The following PIK3CD variants were observed in gnomAD, a reference collection of about 807,000 sequenced individuals.
The protein encoded by PIK3CD is phosphatidylinositol 4,5-bisphosphate 3-kinase catalytic subunit delta isoform.
A neutral mutation model predicts 122.9 loss-of-function variants in PIK3CD; 20 were observed. That is an observed-to-expected ratio of 0.16 (90% CI 0.11 to 0.24). PIK3CD has a LOEUF of 0.24. PIK3CD is among the 10% of genes least tolerant of loss of function. The pLI is 1.00. For synonymous variants in PIK3CD, 596 were observed against 593.4 expected (o/e 1.00, Z -0.06); for missense variants, 787 against 1,406.3 (o/e 0.56, Z 7.04).
At chr1:9,660,503 G>T (rs772133714) in intron 1 of PIK3CD, among the ~76,000 whole-genome samples, 16 of 152,176 alleles carry the variant, frequency 1.1e-4, no homozygotes, top group Non-Finnish European at 2.1e-4. Flanking sequence ...TTTAGTGGCA[G>T]TGTAAGTGCC....
chr1:9,693,289 A>G (rs1027631706), intron 2 of PIK3CD, among the ~76,000 whole-genome samples: 4 of 152,206 alleles, frequency 2.6e-5, no homozygotes, highest in African/African-American at 9.6e-5. Context: ...CAGTGATGCA[A>G]TCTCAGCTCA....
the PIK3CD span, among the ~76,000 whole-genome samples, chr1:9,639,561 GC>G: frequency 6.6e-6 from 1 of 152,264 alleles, no homozygotes; most frequent in Non-Finnish European, 1.5e-5. Context: ...GCATTTCAGG[GC>G]CCCCAGAAGG....
At chr1:9,645,073 T>C in the PIK3CD span, among the ~76,000 whole-genome samples, 1 of 148,012 alleles carries the variant, frequency 6.8e-6, no homozygotes, top group African/African-American at 2.5e-5. Flanking sequence ...TCACCCAGGC[T>C]GGAGTGCAGT....
chr1:9,723,379 GGAGGGGCCTCA>G lies in PIK3CD; in HGVS notation c.2594+90_2594+100del. 1 of 1,402,908 alleles carries G rather than the reference GGAGGGGCCTCA, an allele frequency of 7.1e-7. No homozygotes were observed. Among genetic ancestry groups the G allele is most frequent in the Non-Finnish European group, 1.0e-6 (1 of 990,118 alleles). 86.9% of individuals were successfully genotyped at this position (1,402,908 alleles called of 1,614,324 possible). ...CTCGCCTGTCAGAACAAAGGAGCGG[GGAGGGGCCTCA>G]GACCATCTTTGTGGCTACTTGGCTC... On this transcript the variant is annotated intron_variant, in intron 20 of 23. Coordinates refer to ENST00000377346, the MANE Select transcript of PIK3CD (RefSeq NM_005026.5). The surrounding 1 kb of genome is among the most constrained non-coding windows in gnomAD (Gnocchi z 4.9).
intron 3 of PIK3CD, among the ~76,000 whole-genome samples, chr1:9,711,116 G>A (rs1647036542): frequency 6.6e-6 from 1 of 151,968 alleles, no homozygotes; most frequent in Admixed American, 6.6e-5. Flanking sequence ...TGTTTTTTGA[G>A]ACAATCTCGC....
intron 1 of PIK3CD, among the ~76,000 whole-genome samples, chr1:9,678,796 TAAA>T (rs1645636170): frequency 6.6e-6 from 1 of 152,216 alleles, no homozygotes; most frequent in Non-Finnish European, 1.5e-5. Context: ...GACCACCTCT[TAAA>T]GAAGACATTG....
intron 2 of PIK3CD, among the ~76,000 whole-genome samples, chr1:9,695,161 A>AAG (rs1222385051): frequency 6.6e-6 from 1 of 152,206 alleles, no homozygotes; most frequent in Non-Finnish European, 1.5e-5. Context: ...ATTTCAACAG[A>AAG]AGAGTTGGAA....
Position 9,716,429 on chromosome 1 carries a change from C to T in PIK3CD, c.601-11C>T, listed in dbSNP as rs200601723. ...TCGAGGGCAGAGGACTGACCTCCCT[C>T]CTCCCCACAGGAGAGCTTCACCTTC... On this transcript the variant is annotated splice_polypyrimidine_tract_variant and intron_variant, in intron 5 of 23. Coordinates refer to ENST00000377346, the MANE Select transcript of PIK3CD (RefSeq NM_005026.5). The T allele has an allele frequency of 4.3e-6, 7 of 1,610,918 alleles. No individual in the cohort carries two copies. The highest frequency in any genetic ancestry group is 5.9e-6 in the Non-Finnish European group (7 of 1,179,818).
rs148357976 is a variant in PIK3CD at position 9,718,720 on chromosome 1, C to T, written c.1047C>T (p.His349=). ...MKLVVQAGLF[H]GNEMLCKTVS... ...TGGTGGTGCAGGCCGGGCTTTTCCA[C>T]GGCAACGAGATGCTGTGCAAGACGG... The change falls in exon 9 of 24, where the codon CAC becomes CAT. Residue 349 remains histidine, a synonymous_variant. Transcript: ENST00000377346. This position sits in a 1 kb window ranked among gnomAD's most constrained non-coding sequence, Gnocchi z 7.2. 103 of 1,605,558 alleles carry T rather than the reference C, an allele frequency of 6.4e-5. No homozygotes were observed. In the African/African-American group the frequency reaches 1.2e-3, roughly 19 times the overall value.
At chr1:9,678,182 G>A (rs1431750162) in intron 1 of PIK3CD, among the ~76,000 whole-genome samples, 1 of 151,622 alleles carries the variant, frequency 6.6e-6, no homozygotes, top group Non-Finnish European at 1.5e-5. Flanking sequence ...ACAAAAATCC[G>A]GCCGGGCACT....
At chr1:9,678,634 G>C (rs902316791) in intron 1 of PIK3CD, among the ~76,000 whole-genome samples, 1 of 152,118 alleles carries the variant, frequency 6.6e-6, no homozygotes, top group Non-Finnish European at 1.5e-5. Flanking sequence ...GACTGTTTAG[G>C]TCCAACCTCT....
rs1420857309 is a variant in PIK3CD, at chr1:9,675,357, A to G, written c.-137-16110A>G. 1.4e-3 allele frequency among the ~76,000 whole-genome samples: 183 copies of G among 133,122 alleles called. No individual in the cohort carries two copies. The Middle Eastern group carries it at 0.017, about 12-fold the overall frequency. The allele number at this position is 133,122 out of a possible 152,430, so 87.3% of individuals were successfully genotyped here. On this transcript the variant is annotated intron_variant, in intron 1 of 23. Transcript: ENST00000377346. ...GCCGAGATTGCGCCACTGCACTCCCACCTGGGCCACAGAGCGAGACTCCGT... is the reference window on the plus strand; with the variant it reads ...GCCGAGATTGCGCCACTGCACTCCCGCCTGGGCCACAGAGCGAGACTCCGT...
At chr1:9,682,585 T>C (rs1244671868) in intron 1 of PIK3CD, among the ~76,000 whole-genome samples, 1 of 152,154 alleles carries the variant, frequency 6.6e-6, no homozygotes, top group Non-Finnish European at 1.5e-5. Flanking sequence ...TGTCTCACTC[T>C]GTTGTCCAGG....
Position 9,667,675 on chromosome 1 carries a change from C to T in PIK3CD, c.-138+15873C>T, listed in dbSNP as rs541255867. ...ACAGGCGTGAGCCACCGTGCCCGGC[C>T]GAAATAATGTTTTGCTAATAGGCTC... On this transcript the variant is annotated intron_variant, in intron 1 of 23. Coordinates refer to ENST00000377346, the MANE Select transcript of PIK3CD (RefSeq NM_005026.5). Among the ~76,000 whole-genome samples, 12 of 151,650 alleles carry T rather than the reference C, an allele frequency of 7.9e-5. No homozygotes were observed. The East Asian group carries it at 9.7e-4, about 12-fold the overall frequency.
At chr1:9,640,676 T>A in the PIK3CD span, among the ~76,000 whole-genome samples, 5 of 152,158 alleles carry the variant, frequency 3.3e-5, no homozygotes, top group African/African-American at 1.2e-4. Flanking sequence ...GTCTTTCCAT[T>A]TGACTGAGCA....
chr1:9,637,696 G>T, the PIK3CD span, among the ~76,000 whole-genome samples: 12 of 152,112 alleles, frequency 7.9e-5, no homozygotes, highest in Non-Finnish European at 1.8e-4. Flanking sequence ...ACATCACTCT[G>T]TGGGAGACTA....
intron 1 of PIK3CD, among the ~76,000 whole-genome samples, chr1:9,675,145 G>A (rs1645475214): frequency 6.6e-6 from 1 of 151,804 alleles, no homozygotes; most frequent in Non-Finnish European, 1.5e-5. Flanking sequence ...CAGCACTTTG[G>A]GAGGCCGAGG....
Position 9,658,274 on chromosome 1 carries a change from T to C in PIK3CD, c.-138+6472T>C, listed in dbSNP as rs1276051412. ...TGTGATGCACGCCTGTAGCCCCAGCTATGTGGAAGACTGAGGTGGGAGGAT... is the reference window on the plus strand; with the variant it reads ...TGTGATGCACGCCTGTAGCCCCAGCCATGTGGAAGACTGAGGTGGGAGGAT... On this transcript the variant is annotated intron_variant, in intron 1 of 23. Transcript: ENST00000377346. 5.9e-5 allele frequency among the ~76,000 whole-genome samples: 9 copies of C among 151,586 alleles called. No individual in the cohort carries two copies. The East Asian group carries it at 1.6e-3, about 26-fold the overall frequency.
At chr1:9,674,277 G>A (rs1243764275) in intron 1 of PIK3CD, among the ~76,000 whole-genome samples, 1 of 152,212 alleles carries the variant, frequency 6.6e-6, no homozygotes, top group Non-Finnish European at 1.5e-5. Context: ...CCGTTTGCCA[G>A]CTGAAAGTTG....
Sources: gnomAD v4.1 joint callset for allele counts (sites outside exome capture counted in the v4.1 genomes callset) on GRCh38, gnomAD v4.1.1 for gene constraint, Gnocchi (gnomAD v3.1) non-coding constraint, MANE v1.5 for transcripts, NCBI Gene and HGNC (gene_info 2026-07-23, HGNC 2026-07-21) for gene names.